Variants in FBRSL1 observed in about 807,000 individuals in gnomAD.
FBRSL1 encodes the protein fibrosin-1-like protein.
A neutral mutation model predicts 89.6 loss-of-function variants in FBRSL1; 51 were observed. The observed-to-expected ratio is 0.57, with a 90% CI of 0.45 to 0.72. The LOEUF is 0.72. Ranked by LOEUF, FBRSL1 falls within the 30% of genes least tolerant of loss-of-function variation. The pLI is 0.00. For synonymous variants in FBRSL1, 779 were observed against 681.1 expected (o/e 1.14, Z -2.24); for missense variants, 1,618 against 1,451.8 (o/e 1.11, Z -1.86).
At chr12:132,529,249 G>T (rs780316066) in intron 4 of FBRSL1, among the ~76,000 whole-genome samples, 3 of 152,208 alleles carry the variant, frequency 2.0e-5, no homozygotes, top group Non-Finnish European at 4.4e-5. Flanking sequence ...ACCCAGTGTG[G>T]CCAGGCCAGA....
chr12:132,490,714 C>A lies in FBRSL1; in HGVS notation c.144C>A (p.Gly48=). 2 of 988,032 alleles carry A rather than the reference C, an allele frequency of 2.0e-6. No homozygotes were observed. The highest frequency in any genetic ancestry group is 4.4e-5 in the South Asian group (1 of 22,970). 61.2% of individuals were successfully genotyped at this position (988,032 alleles called of 1,614,324 possible). A position where few individuals can be genotyped will look rare whatever the true frequency, so the allele number is the denominator to read the frequency against. The change falls in exon 1 of 19, where the codon GGC becomes GGA. Residue 48 remains glycine (G), a synonymous_variant. Coordinates refer to ENST00000680143, the MANE Select transcript of FBRSL1 (RefSeq NM_001367871.1). Reference sequence around the variant, plus strand: ...CCAGCCCCGGCAAGGAGAACGCGGGCCTCCGCGGCGCGCCCCCCCGAGGCG... The same window carrying A: ...CCAGCCCCGGCAAGGAGAACGCGGGACTCCGCGGCGCGCCCCCCCGAGGCG... The part of the protein sequence containing the change: ...PEPSPGKENA[G]LRGAPPRGAA...
At chr12:132,516,341 C>T (rs1229820215) in intron 2 of FBRSL1, among the ~76,000 whole-genome samples, 12 of 152,158 alleles carry the variant, frequency 7.9e-5, no homozygotes, top group Non-Finnish European at 7.3e-5. Context: ...AGTGCCACCA[C>T]GCCCAGCTAA....
chr12:132,548,180 C>T (rs2037859514), intron 5 of FBRSL1, 148 bp downstream of exon 5: 2 of 923,210 alleles, frequency 2.2e-6, no homozygotes, highest in East Asian at 5.4e-5. Flanking sequence ...GGCTTGTGGC[C>T]TCCCAGGTAT....
At chr12:132,572,199 A>G (rs2040071618) in intron 9 of FBRSL1, 89 bp from the exon 10 acceptor site, 2 of 1,250,670 alleles carry the variant, frequency 1.6e-6, no homozygotes, top group Non-Finnish European at 2.3e-6. Flanking sequence ...CCGTCCTGTC[A>G]CTGCCCAGCC....
At chr12:132,541,984 G>A (rs1057358569) in intron 4 of FBRSL1, among the ~76,000 whole-genome samples, 10 of 152,148 alleles carry the variant, frequency 6.6e-5, no homozygotes, top group Non-Finnish European at 2.9e-5. Context: ...GCTGCCGTCT[G>A]CCCCACGAGG....
intron 2 of FBRSL1, chr12:132,509,887 C>T: frequency 1.6e-6 from 2 of 1,231,622 alleles, no homozygotes; most frequent in Non-Finnish European, 1.0e-6. Context: ...AGCTTCCTCC[C>T]AGGACAGTGC....
intron 15 of FBRSL1, 123 bp downstream of exon 15, chr12:132,577,054 G>A (rs2040426337): frequency 7.6e-7 from 1 of 1,314,808 alleles, no homozygotes; most frequent in Admixed American, 2.6e-5. Flanking sequence ...TTTGCTTCTT[G>A]ATGCTCACCA....
At chr12:132,519,157 C>A (rs185290776) in intron 2 of FBRSL1, among the ~76,000 whole-genome samples, 10 of 152,374 alleles carry the variant, frequency 6.6e-5, no homozygotes, top group Non-Finnish European at 1.3e-4. Context: ...CTGTGTCTGC[C>A]TGTGCTAGGT....
At chr12:132,509,744 G>A (rs967153923) in intron 2 of FBRSL1, 16 of 1,230,904 alleles carry the variant, frequency 1.3e-5, no homozygotes, top group East Asian at 6.3e-5. Context: ...GGGCCAGCCC[G>A]TGTCACTGTG....
At chr12:132,556,799 G>GCCCCCCC (rs2038706962) in intron 5 of FBRSL1, among the ~76,000 whole-genome samples, 1 of 101,488 alleles carries the variant, frequency 9.9e-6, no homozygotes. Context: ...CCTTCGTGCT[G>GCCCCCCC]CACCCCCCTC....
intron 3 of FBRSL1, among the ~76,000 whole-genome samples, chr12:132,526,063 G>A (rs1025038048): frequency 6.6e-6 from 1 of 152,270 alleles, no homozygotes; most frequent in Non-Finnish European, 1.5e-5. Context: ...TTTTGCCTTC[G>A]TTAAAGCGTG....
At chr12:132,519,334 C>T (rs188593430) in intron 2 of FBRSL1, among the ~76,000 whole-genome samples, 3 of 152,302 alleles carry the variant, frequency 2.0e-5, no homozygotes, top group Admixed American at 2.0e-4. Context: ...AATGGAGTGT[C>T]AGGAACGGTT....
intron 4 of FBRSL1, among the ~76,000 whole-genome samples, chr12:132,547,425 G>GT (rs1223512142): frequency 6.6e-6 from 1 of 152,202 alleles, no homozygotes; most frequent in African/African-American, 2.4e-5. Context: ...CTGGCATCGA[G>GT]TGTCTAACCC....
In FBRSL1 at chr12:132,583,525, G is replaced by A; in HGVS notation, c.2756G>A (p.Gly919Asp). 9.6e-7 allele frequency: 1 copy of A among 1,046,344 alleles called. No homozygotes were observed. Among genetic ancestry groups the A allele is most frequent in the Non-Finnish European group, 1.2e-6 (1 of 868,530 alleles). 64.8% of individuals were successfully genotyped at this position (1,046,344 alleles called of 1,614,324 possible). The change falls in exon 19 of 19, where the codon GGC becomes GAC. Residue 919 changes from glycine (G) to aspartate (D), a missense_variant. Transcript: ENST00000680143. The part of the protein sequence containing the change: ...HLPPAAPALD[G>D]ALLPSLGALH... ...CCGCCCGCCGCCCCCGCCTTGGACG[G>A]CGCGCTGCTGCCCTCGCTGGGAGCC...
At chr12:132,493,132 C>T (rs1365529083) in intron 1 of FBRSL1, among the ~76,000 whole-genome samples, 4 of 152,236 alleles carry the variant, frequency 2.6e-5, no homozygotes, top group East Asian at 3.8e-4. Context: ...CTGGGTGCCA[C>T]GCCTGTCCGG....
At chr12:132,545,079 G>A (rs1045328796) in intron 4 of FBRSL1, among the ~76,000 whole-genome samples, 6 of 151,322 alleles carry the variant, frequency 4.0e-5, no homozygotes, top group East Asian at 1.9e-4. Context: ...GGGGCCGTGC[G>A]GCACGGAGCT....
At chr12:132,512,926 C>T (rs767650959) in intron 2 of FBRSL1, among the ~76,000 whole-genome samples, 1 of 152,224 alleles carries the variant, frequency 6.6e-6, no homozygotes, top group Non-Finnish European at 1.5e-5. Context: ...CAGCTCGAAC[C>T]CACTGTCTGC....
chr12:132,526,069 G>A (rs564400663), intron 3 of FBRSL1, among the ~76,000 whole-genome samples: 2 of 152,400 alleles, frequency 1.3e-5, no homozygotes, highest in South Asian at 2.1e-4. Flanking sequence ...CTTCGTTAAA[G>A]CGTGATTTTT....
At chr12:132,511,921 T>C (rs2034386381) in intron 2 of FBRSL1, 5 of 979,604 alleles carry the variant, frequency 5.1e-6, no homozygotes, top group South Asian at 4.9e-5. Flanking sequence ...TTAAAGAAAA[T>C]AAAAAGTGCC....
Sources: allele counts gnomAD v4.1 joint callset (sites outside exome capture counted in the v4.1 genomes callset), GRCh38; gene constraint gnomAD v4.1.1; transcripts MANE v1.5; gene names NCBI Gene and HGNC (gene_info 2026-07-23, HGNC 2026-07-21).